The following HPS3 variants were observed in gnomAD, a reference collection of about 807,000 sequenced individuals.
HPS3 encodes the protein BLOC-2 complex member HPS3.
In HPS3, 79 loss-of-function variants were observed where a neutral mutation model predicts 110.9. That is an observed-to-expected ratio of 0.71 (90% CI 0.59 to 0.86). The LOEUF is 0.86. Among genes scored for constraint, HPS3 ranks in the 40% least tolerant of loss-of-function variants. The pLI, the probability that HPS3 is intolerant of heterozygous loss-of-function variation, is 0.00. For synonymous variants in HPS3, 428 were observed against 451.0 expected, an observed-to-expected ratio of 0.95 and a Z score of 0.65; for missense variants, 1,197 against 1,206.2, an observed-to-expected ratio of 0.99 and a Z score of 0.11.
chr3:149,156,724 G>A (rs1319978596), intron 8 of HPS3, among the ~76,000 whole-genome samples: 1 of 152,024 alleles, frequency 6.6e-6, no homozygotes, highest in Non-Finnish European at 1.5e-5. Context: ...TCAGGTCAAG[G>A]TGTTGCCTGA....
In HPS3 at chr3:149,162,673, C is replaced by T; in HGVS notation, c.2293-17C>T. 1 of 1,613,716 alleles carries T rather than the reference C, an allele frequency of 6.2e-7. No individual in the cohort carries two copies. Among genetic ancestry groups the T allele is most frequent in the South Asian group, 1.1e-5 (1 of 91,068 alleles). On this transcript the variant is annotated splice_polypyrimidine_tract_variant and intron_variant, in intron 12 of 16. Transcript: ENST00000296051. Reference sequence around the variant, plus strand: ...ATATTTATCTGGAATATAGAGGCTCCTTTTACTGTTTTTAAGGTGCTTTGT... The same window carrying T: ...ATATTTATCTGGAATATAGAGGCTCTTTTTACTGTTTTTAAGGTGCTTTGT...
rs113015797 is a variant in HPS3, at chr3:149,172,318, TCACACACA to T, written c.*127_*134del. The T allele has an allele frequency of 3.1e-4, 180 of 571,934 alleles. No individual in the cohort carries two copies. The highest frequency in any genetic ancestry group is 5.2e-4 in the South Asian group (30 of 58,210). The allele number at this position is 571,934 out of a possible 1,614,324, so 35.4% of individuals were successfully genotyped here. A position where few individuals can be genotyped will look rare whatever the true frequency, so the allele number is the denominator to read the frequency against. On this transcript the variant is annotated 3_prime_UTR_variant, in exon 17 of 17. Transcript: ENST00000296051. ...GTAGAGGAGTTTTTTATTTTATATA[TCACACACA>T]CACACACACACACACACACACACAC... is the stretch of plus-strand genomic sequence containing the variant.
intron 1 of HPS3, among the ~76,000 whole-genome samples, chr3:149,138,170 T>G (rs1181592792): frequency 6.6e-6 from 1 of 152,060 alleles, no homozygotes; most frequent in African/African-American, 2.4e-5. Flanking sequence ...CTCTGTGGCA[T>G]AAAAAGAACC....
chr3:149,137,203 G>A (rs1234206281), intron 1 of HPS3, among the ~76,000 whole-genome samples: 2 of 151,950 alleles, frequency 1.3e-5, no homozygotes, highest in South Asian at 2.1e-4. Context: ...ATACATAAAC[G>A]GCAAAAAACA....
At chr3:149,140,887 C>A in intron 2 of HPS3, 130 bp from the exon 3 acceptor site, 2 of 850,280 alleles carry the variant, frequency 2.4e-6, no homozygotes, top group South Asian at 1.6e-5. Flanking sequence ...TAAGTCTTTT[C>A]ACAACCACAG....
chr3:149,162,261 G>T lies in HPS3; in HGVS notation c.2220G>T (p.Leu740Phe). 5 of 1,614,008 alleles carry T rather than the reference G, an allele frequency of 3.1e-6. No individual in the cohort carries two copies. The highest frequency in any genetic ancestry group is 4.2e-6 in the Non-Finnish European group (5 of 1,179,950). Reference sequence around the variant, plus strand: ...ACTTGAAGGAAACTCAGCCTGGATTGCTTGTGGCTTCAGTTCTGGGCTTGC... The same window carrying T: ...ACTTGAAGGAAACTCAGCCTGGATTTCTTGTGGCTTCAGTTCTGGGCTTGC... ...ALHLKETQPGLLVASVLGLQK... is the reference protein window; with the variant it reads ...ALHLKETQPGFLVASVLGLQK... Residue 740 changes from leucine to phenylalanine, a missense_variant, in exon 12 of 17, where the codon TTG (leucine) becomes TTT (phenylalanine). By Grantham distance (22) the Leu-to-Phe change is conservative. Coordinates refer to ENST00000296051, the MANE Select transcript of HPS3 (RefSeq NM_032383.5).
At chr3:149,152,451 G>A (rs1320404657) in intron 6 of HPS3, among the ~76,000 whole-genome samples, 1 of 152,186 alleles carries the variant, frequency 6.6e-6, no homozygotes, top group African/African-American at 2.4e-5. Context: ...GGCATCTGGT[G>A]GAGGTATGCT....
rs1723936050 is a variant in HPS3 at position 149,162,263 on chromosome 3, T to C, written c.2222T>C (p.Leu741Pro). The C allele has an allele frequency of 1.2e-6, 2 of 1,613,906 alleles. No individual in the cohort carries two copies. The highest frequency in any genetic ancestry group is 1.7e-6 in the Non-Finnish European group (2 of 1,179,946). ...LHLKETQPGL[L>P]VASVLGLQKN... is the part of the protein sequence containing the mutation. ...TTGAAGGAAACTCAGCCTGGATTGC[T>C]TGTGGCTTCAGTTCTGGGCTTGCAG... The change falls in exon 12 of 17, where the codon CTT becomes CCT. Residue 741 changes from leucine to proline, a missense_variant. Physicochemically the swap from Leu to Pro is moderately conservative, Grantham distance 98. Coordinates refer to ENST00000296051, the MANE Select transcript of HPS3 (RefSeq NM_032383.5).
Position 149,141,366 on chromosome 3 carries a change from C to T in HPS3, c.956C>T (p.Pro319Leu). 1 of 1,613,166 alleles carries T rather than the reference C, an allele frequency of 6.2e-7. No individual in the cohort carries two copies. The highest frequency in any genetic ancestry group is 1.1e-5 in the South Asian group (1 of 91,062). The stretch of plus-strand genomic sequence containing the variant: ...AAGCTACATTCCCTCCAGCTGCTAC[C>T]CATTTACCAGACCGGTAAGCATGAC... ...DIKLHSLQLL[P>L]IYQTGSLTSD... The change falls in exon 4 of 17, where the codon CCC becomes CTC. Residue 319 changes from proline (P) to leucine (L), a missense_variant. Coordinates refer to ENST00000296051, the MANE Select transcript of HPS3 (RefSeq NM_032383.5).
chr3:149,155,644 G>A (rs754501636), intron 8 of HPS3, among the ~76,000 whole-genome samples: 1 of 152,100 alleles, frequency 6.6e-6, no homozygotes, highest in Non-Finnish European at 1.5e-5. Flanking sequence ...GCATTGTCCT[G>A]GGGGGAGGGA....
At chr3:149,134,878 G>A (rs1023085822) in intron 1 of HPS3, among the ~76,000 whole-genome samples, 20 of 152,292 alleles carry the variant, frequency 1.3e-4, no homozygotes, top group African/African-American at 4.8e-4. Flanking sequence ...TTCAACCCCT[G>A]GGTACAGCTC....
intron 6 of HPS3, 57 bp from the exon 7 acceptor site, chr3:149,153,437 A>C: frequency 7.0e-7 from 1 of 1,419,450 alleles, no homozygotes; most frequent in South Asian, 1.2e-5. Context: ...TGATTTTTGA[A>C]GATTGAAGTG....
At position 149,141,419 on chromosome 3, in the gene HPS3, G is replaced by A. The variant is rs775582716; in HGVS notation, c.970+39G>A. The stretch of plus-strand genomic sequence containing the variant: ...TGCAGGAGTGCGACAGTGCAGCAAG[G>A]TGAAAATGCTCTGTCTGGGCTGGGA... On this transcript the variant is annotated intron_variant, in intron 4 of 16. Transcript: ENST00000296051. The A allele has an allele frequency of 8.6e-6, 13 of 1,515,098 alleles. No individual in the cohort carries two copies. In the South Asian group the frequency reaches 1.2e-4, roughly 14 times the overall value. The allele number at this position is 1,515,098 out of a possible 1,614,324, so 93.9% of individuals were successfully genotyped here.
chr3:149,154,561 C>T (rs1264184838), intron 7 of HPS3, among the ~76,000 whole-genome samples: 1 of 152,130 alleles, frequency 6.6e-6, no homozygotes, highest in African/African-American at 2.4e-5. Context: ...TTTAAAAATT[C>T]TAATTCATTT....
Position 149,140,312 on chromosome 3 carries a change from G to C in HPS3, c.526G>C (p.Glu176Gln). 1 of 1,613,736 alleles carries C rather than the reference G, an allele frequency of 6.2e-7. No individual in the cohort carries two copies. Among genetic ancestry groups the C allele is most frequent in the Non-Finnish European group, 8.5e-7 (1 of 1,179,682 alleles). ...INEEFSLLDFERSLIIHIDNI... is the reference protein window; with the variant it reads ...INEEFSLLDFQRSLIIHIDNI... ...TGAGGAATTCTCACTATTGGACTTT[G>C]AACGTTCTTTAATTATACACATAGA... The change falls in exon 2 of 17, where the codon GAA (glutamate) becomes CAA (glutamine). Residue 176 changes from glutamate (E) to glutamine (Q), a missense_variant. Transcript: ENST00000296051.
intron 4 of HPS3, among the ~76,000 whole-genome samples, chr3:149,142,685 G>A (rs1722546600): frequency 1.3e-5 from 2 of 152,006 alleles, no homozygotes; most frequent in African/African-American, 4.8e-5. Flanking sequence ...TATTTATTGA[G>A]TACCTACTAT....
intron 6 of HPS3, among the ~76,000 whole-genome samples, chr3:149,152,302 T>A (rs1723176193): frequency 6.6e-6 from 1 of 152,168 alleles, no homozygotes; most frequent in Admixed American, 6.5e-5. Flanking sequence ...GGGGTGATGG[T>A]GTAATTTAAA....
At chr3:149,145,823 T>G (rs759475055) in intron 5 of HPS3, among the ~76,000 whole-genome samples, 55 of 152,192 alleles carry the variant, frequency 3.6e-4, no homozygotes, top group Non-Finnish European at 7.2e-4. Flanking sequence ...ATAGGGAGTT[T>G]TAATGAAAAG....
intron 2 of HPS3, 77 bp from the exon 3 acceptor site, chr3:149,140,940 A>G (rs773842435): frequency 2.7e-5 from 35 of 1,280,096 alleles, no homozygotes; most frequent in Admixed American, 1.0e-4. Context: ...TGAAATTACT[A>G]TATGTCTAAT....
Sources: gnomAD v4.1 joint callset for allele counts (sites outside exome capture counted in the v4.1 genomes callset) on GRCh38, gnomAD v4.1.1 for gene constraint, MANE v1.5 for transcripts, NCBI Gene and HGNC (gene_info 2026-07-23, HGNC 2026-07-21) for gene names.